Variants in NSUN7 observed in about 807,000 individuals in gnomAD.
The protein encoded by NSUN7 is NOP2/Sun RNA methyltransferase family member 7.
A neutral mutation model predicts 58.5 loss-of-function variants in NSUN7; 39 were observed. The ratio of observed to expected loss-of-function variants is 0.67; its 90% confidence interval spans 0.52 to 0.87. The LOEUF (loss-of-function observed/expected upper bound fraction) is 0.87. Ranked by LOEUF, NSUN7 falls within the 40% of genes least tolerant of loss-of-function variation. The pLI, the probability that NSUN7 is intolerant of heterozygous loss-of-function variation, is 0.00. For missense variants in NSUN7, 765 were observed against 844.1 expected (o/e 0.91, Z 1.16); for synonymous variants, 278 against 303.7 (o/e 0.92, Z 0.88).
chr4:40,768,897 T>G (rs912874620), intron 4 of NSUN7, among the ~76,000 whole-genome samples: 2 of 152,154 alleles, frequency 1.3e-5, no homozygotes, highest in African/African-American at 4.8e-5. Context: ...GAGGCAGCAA[T>G]TGGAAAATAA....
intron 4 of NSUN7, among the ~76,000 whole-genome samples, chr4:40,771,357 A>C (rs1218268053): frequency 6.6e-6 from 1 of 152,162 alleles, no homozygotes; most frequent in Admixed American, 6.5e-5. Flanking sequence ...CAAACACTGG[A>C]AAAACTGGCT....
At chr4:40,794,277 A>G (rs982135671) in intron 8 of NSUN7, 98 bp from the exon 9 acceptor site, 3 of 542,398 alleles carry the variant, frequency 5.5e-6, no homozygotes, top group Admixed American at 7.5e-5. Flanking sequence ...AAACACTTTT[A>G]TTGGTAGGCA....
chr4:40,799,087 T>C (rs991785271), intron 10 of NSUN7, among the ~76,000 whole-genome samples, 183 bp downstream of exon 10: 4 of 140,414 alleles, frequency 2.8e-5, no homozygotes, highest in South Asian at 4.7e-4. Flanking sequence ...TTTTTTTTTT[T>C]TTTTTTTTTT....
At position 40,808,471 on chromosome 4, in the gene NSUN7, A is replaced by C; in HGVS notation, c.1689A>C (p.Gln563His). The change falls in exon 12 of 12, where the codon CAA (glutamine) becomes CAC (histidine). Residue 563 changes from glutamine (Q) to histidine (H), a missense_variant. Transcript: ENST00000381782. ...GTGCCACTACTGATAATGGCATCCA[A>C]ATGAAAATTGCTGAGTTCCTGAATC... Reference protein sequence around the residue: ...TKGATTDNGIQMKIAEFLNRE... With the variant: ...TKGATTDNGIHMKIAEFLNRE... The C allele has an allele frequency of 6.3e-7, 1 of 1,581,990 alleles. No homozygotes were observed. Among genetic ancestry groups the C allele is most frequent in the African/African-American group, 1.3e-5 (1 of 74,364 alleles).
chr4:40,781,709 G>T (rs887821985), intron 7 of NSUN7, among the ~76,000 whole-genome samples: 14 of 152,172 alleles, frequency 9.2e-5, no homozygotes, highest in African/African-American at 9.7e-5. Flanking sequence ...GCCTCCCAAA[G>T]TGTTGGGATT....
Position 40,774,832 on chromosome 4 carries a change from T to C in NSUN7, c.707T>C (p.Ile236Thr). The C allele has an allele frequency of 6.4e-7, 1 of 1,556,262 alleles. No homozygotes were observed. The highest frequency in any genetic ancestry group is 1.4e-5 in the African/African-American group (1 of 73,842). The change falls in exon 6 of 12, where the codon ATT becomes ACT. Residue 236 changes from isoleucine (I) to threonine (T), a missense_variant. By Grantham distance (89) the Ile-to-Thr change is moderately conservative. Transcript: ENST00000381782. ...GYNKVKSVLHIDDKVFAVDQH... is the reference protein window; with the variant it reads ...GYNKVKSVLHTDDKVFAVDQH... ...AATAAAGTCAAATCTGTATTGCATATTGATGATAAAGTCTTTGCTGTGGAT... is the reference window on the plus strand; with the variant it reads ...AATAAAGTCAAATCTGTATTGCATACTGATGATAAAGTCTTTGCTGTGGAT...
At position 40,796,392 on chromosome 4, in the gene NSUN7, G is replaced by C. The variant is rs562052872; in HGVS notation, c.1282+1916G>C. Among the ~76,000 whole-genome samples the C allele has an allele frequency of 7.2e-5, 11 of 152,162 alleles. 1 individual carries two copies. In the South Asian group the frequency reaches 1.9e-3, roughly 26 times the overall value. On this transcript the variant is annotated intron_variant, in intron 9 of 11. Coordinates refer to ENST00000381782, the MANE Select transcript of NSUN7 (RefSeq NM_024677.6). ...ATGGTGGCTCATGTCTGAAATCCCA[G>C]TGCTTGGGAGGTCAACATGGTAGGA...
At chr4:40,787,036 GAAA>G (rs376787204) in intron 7 of NSUN7, among the ~76,000 whole-genome samples, 1 of 135,572 alleles carries the variant, frequency 7.4e-6, no homozygotes, top group Admixed American at 7.4e-5. Flanking sequence ...TTTAAAGAGT[GAAA>G]AAAAAAAAAG....
chr4:40,806,658 C>T (rs1049343716), intron 10 of NSUN7, among the ~76,000 whole-genome samples: 12 of 152,160 alleles, frequency 7.9e-5, no homozygotes, highest in Admixed American at 3.3e-4. Flanking sequence ...CAAAAGAAAA[C>T]GTTTTCTCCT....
At chr4:40,777,839 ATCC>A (rs372923426) in intron 7 of NSUN7, among the ~76,000 whole-genome samples, 2,546 of 152,282 alleles carry the variant, frequency 0.017, 71 homozygotes, top group African/African-American at 0.058. Flanking sequence ...GGATCAAGCA[ATCC>A]TCCTGCCTCA....
chr4:40,797,567 C>T (rs1323879060), intron 9 of NSUN7, among the ~76,000 whole-genome samples: 3 of 152,188 alleles, frequency 2.0e-5, no homozygotes, highest in Non-Finnish European at 2.9e-5. Flanking sequence ...ATACCCACAG[C>T]CAGTCTGTCA....
At chr4:40,784,671 T>C (rs936274042) in intron 7 of NSUN7, among the ~76,000 whole-genome samples, 1 of 152,220 alleles carries the variant, frequency 6.6e-6, no homozygotes, top group Non-Finnish European at 1.5e-5. Context: ...GGGGTTTCTC[T>C]TGGGAGTGAA....
intron 4 of NSUN7, among the ~76,000 whole-genome samples, chr4:40,764,698 A>C (rs184935653): frequency 6.6e-6 from 1 of 152,162 alleles, no homozygotes; most frequent in African/African-American, 2.4e-5. Context: ...TCCCACCAAC[A>C]GTGTTAAAGT....
intron 7 of NSUN7, among the ~76,000 whole-genome samples, chr4:40,781,443 GT>G (rs1742561177): frequency 1.3e-5 from 2 of 151,502 alleles, no homozygotes; most frequent in South Asian, 2.1e-4. Flanking sequence ...TTGTTTGTTT[GT>G]TTTTTTCTTT....
chr4:40,759,284 C>T (rs941634199), intron 2 of NSUN7, among the ~76,000 whole-genome samples: 5 of 151,886 alleles, frequency 3.3e-5, no homozygotes, highest in Admixed American at 6.6e-5. Context: ...GCACTCCGGC[C>T]GGTGTGATAG....
At chr4:40,771,247 C>G (rs1440484203) in intron 4 of NSUN7, among the ~76,000 whole-genome samples, 2 of 152,148 alleles carry the variant, frequency 1.3e-5, no homozygotes, top group Non-Finnish European at 2.9e-5. Flanking sequence ...ACTCTAGTCT[C>G]TGCTTCTCTG....
Position 40,774,706 on chromosome 4 carries a change from T to C in NSUN7, c.642-61T>C, listed in dbSNP as rs557521578. 3.2e-5 allele frequency: 33 copies of C among 1,037,766 alleles called. No individual in the cohort carries two copies. In the South Asian group the frequency reaches 5.4e-4, roughly 17 times the overall value. 64.3% of individuals were successfully genotyped at this position (1,037,766 alleles called of 1,614,324 possible). Reference sequence around the variant, plus strand: ...CTTTGTTACAGGAAAAAGGTGTTAGTGTTAAGGACGTTTTTAATGTATTAT... The same window carrying C: ...CTTTGTTACAGGAAAAAGGTGTTAGCGTTAAGGACGTTTTTAATGTATTAT... On this transcript the variant is annotated intron_variant, in intron 5 of 11. Coordinates refer to ENST00000381782, the MANE Select transcript of NSUN7 (RefSeq NM_024677.6).
intron 7 of NSUN7, among the ~76,000 whole-genome samples, chr4:40,784,681 A>G (rs1038225623): frequency 1.3e-5 from 2 of 152,198 alleles, no homozygotes; most frequent in Admixed American, 1.3e-4. Context: ...TTGGGAGTGA[A>G]GAAAGTGTTG....
chr4:40,779,602 G>A (rs1008468435), intron 7 of NSUN7, among the ~76,000 whole-genome samples: 3 of 151,624 alleles, frequency 2.0e-5, no homozygotes, highest in East Asian at 1.9e-4. Flanking sequence ...AGACTGTTTC[G>A]AAAAAAACAC....
Sources: allele counts gnomAD v4.1 joint callset (sites outside exome capture counted in the v4.1 genomes callset), GRCh38; gene constraint gnomAD v4.1.1; transcripts MANE v1.5; gene names NCBI Gene and HGNC (gene_info 2026-07-23, HGNC 2026-07-21).